GPC6: variants seen among roughly 807,000 people sequenced by gnomAD.
GPC6 encodes glypican-6.
Under a neutral mutation model 55.2 loss-of-function variants are expected in GPC6, and 14 were observed. The observed-to-expected ratio is 0.25, with a 90% CI of 0.17 to 0.40. The LOEUF (loss-of-function observed/expected upper bound fraction) is 0.40, where lower values mean the gene tolerates loss of function less well. Ranked by LOEUF, GPC6 falls within the 10% of genes least tolerant of loss-of-function variation. The pLI is 1.00. For missense variants in GPC6, 641 were observed against 708.5 expected (o/e 0.90, Z 1.08); for synonymous variants, 278 against 259.6 (o/e 1.07, Z -0.68).
chr13:93,771,147 C>G (rs1266803442), intron 2 of GPC6, among the ~76,000 whole-genome samples: 1 of 152,126 alleles, frequency 6.6e-6, no homozygotes. Context: ...GCAAACAAGT[C>G]ATCTTTAAAA....
chr13:94,166,894 C>G (rs1317402939), intron 4 of GPC6, among the ~76,000 whole-genome samples: 1 of 152,188 alleles, frequency 6.6e-6, no homozygotes, highest in East Asian at 1.9e-4. Flanking sequence ...TATGAATTAC[C>G]TACAATGATC....
At chr13:93,853,598 T>G (rs888859234) in intron 3 of GPC6, among the ~76,000 whole-genome samples, 1 of 151,680 alleles carries the variant, frequency 6.6e-6, no homozygotes, top group African/African-American at 2.4e-5. Flanking sequence ...AATTTTACTC[T>G]ATTTAACACC....
intron 2 of GPC6, among the ~76,000 whole-genome samples, chr13:93,575,187 G>A (rs1876598649): frequency 6.6e-6 from 1 of 152,086 alleles, no homozygotes; most frequent in African/African-American, 2.4e-5. Context: ...CCAGCTATTC[G>A]GGAGGCTGAG....
intron 3 of GPC6, among the ~76,000 whole-genome samples, chr13:94,016,037 C>A (rs1204433657): frequency 6.6e-6 from 1 of 152,142 alleles, no homozygotes; most frequent in Non-Finnish European, 1.5e-5. Context: ...ACAGCCACTC[C>A]CATTTTCTTC....
At chr13:93,746,263 T>A (rs1002854039) in intron 2 of GPC6, among the ~76,000 whole-genome samples, 21 of 152,210 alleles carry the variant, frequency 1.4e-4, no homozygotes, top group African/African-American at 5.1e-4. Flanking sequence ...GAAGTGCCAG[T>A]ACAGAAGGTG....
intron 1 of GPC6, among the ~76,000 whole-genome samples, chr13:93,405,457 T>C (rs1168518236): frequency 3.3e-5 from 5 of 152,168 alleles, no homozygotes; most frequent in Non-Finnish European, 5.9e-5. Context: ...AGTTCTCTCA[T>C]CTTTATAATG....
chr13:93,306,201 T>A (rs764593064), intron 1 of GPC6, among the ~76,000 whole-genome samples: 43 of 152,316 alleles, frequency 2.8e-4, no homozygotes, highest in Non-Finnish European at 5.4e-4. Context: ...AAAATAGTTA[T>A]TATTTTATGG....
chr13:93,929,459 T>TA (rs904357000), intron 3 of GPC6, among the ~76,000 whole-genome samples: 2 of 152,176 alleles, frequency 1.3e-5, no homozygotes, highest in African/African-American at 2.4e-5. Context: ...TGTGAATTTT[T>TA]AAAAAATCTC....
chr13:93,334,962 A>G (rs867217540), intron 1 of GPC6, among the ~76,000 whole-genome samples: 20 of 152,186 alleles, frequency 1.3e-4, no homozygotes, highest in Admixed American at 3.3e-4. Context: ...CTTTAATGTC[A>G]TTTGACACCT....
chr13:94,389,767 CT>C (rs1470390139), intron 7 of GPC6, among the ~76,000 whole-genome samples: 1 of 151,808 alleles, frequency 6.6e-6, no homozygotes, highest in Non-Finnish European at 1.5e-5. Context: ...CTTCAGAGGT[CT>C]TGAGTCAGTC....
intron 1 of GPC6, among the ~76,000 whole-genome samples, chr13:93,438,114 A>G (rs1476103672): frequency 6.6e-6 from 1 of 152,024 alleles, no homozygotes; most frequent in East Asian, 1.9e-4. Flanking sequence ...CCTGAGACCT[A>G]CTGCTCAGAA....
rs183022316 is a variant in GPC6, at chr13:93,779,267, A to C, written c.320-50887A>C. Among the ~76,000 whole-genome samples, 256 of 152,274 alleles carry C rather than the reference A, an allele frequency of 1.7e-3. 1 individual carries two copies. The highest frequency in any genetic ancestry group is 5.6e-3 in the African/African-American group (232 of 41,556). ...GAGCTGAATACACTGGACTGAATTC[A>C]CTGGGCTTTAATCAATGTTAATTAC... On this transcript the variant is annotated intron_variant, in intron 2 of 8. Coordinates refer to ENST00000377047, the MANE Select transcript of GPC6 (RefSeq NM_005708.5).
At chr13:94,287,295 A>G (rs2139085856) in intron 5 of GPC6, among the ~76,000 whole-genome samples, 1 of 152,312 alleles carries the variant, frequency 6.6e-6, no homozygotes, top group Middle Eastern at 3.4e-3. Context: ...CCAGTGACCG[A>G]GTGATTGCAT....
chr13:93,511,461 G>T (rs1013842912), intron 1 of GPC6, among the ~76,000 whole-genome samples: 29 of 151,408 alleles, frequency 1.9e-4, no homozygotes, highest in African/African-American at 7.0e-4. Flanking sequence ...AATTTTTTTG[G>T]CTTTGTCAAA....
At position 93,942,356 on chromosome 13, in the gene GPC6, G is replaced by A. The variant is rs144865677; in HGVS notation, c.712-85373G>A. ...CGTCATCTAGCCAAGGTGTCACTCTGTCACCCAGGCTGGAGTGTAGTGGTA... is the reference window on the plus strand; with the variant it reads ...CGTCATCTAGCCAAGGTGTCACTCTATCACCCAGGCTGGAGTGTAGTGGTA... On this transcript the variant is annotated intron_variant, in intron 3 of 8. Transcript: ENST00000377047. Among the ~76,000 whole-genome samples the A allele has an allele frequency of 9.4e-4, 143 of 152,234 alleles. 3 individuals are homozygous for A. In the East Asian group the frequency reaches 0.022, roughly 24 times the overall value.
intron 2 of GPC6, among the ~76,000 whole-genome samples, chr13:93,615,468 T>C (rs1878672947): frequency 6.6e-6 from 1 of 152,136 alleles, no homozygotes. Flanking sequence ...TGCCAGGCAG[T>C]TTATGTATCA....
At chr13:94,235,181 T>G (rs1447368269) in intron 4 of GPC6, among the ~76,000 whole-genome samples, 3 of 152,136 alleles carry the variant, frequency 2.0e-5, no homozygotes, top group African/African-American at 7.2e-5. Context: ...CTGAGAACAA[T>G]GTTGAACTGG....
chr13:94,202,789 G>A (rs1311504624), intron 4 of GPC6, among the ~76,000 whole-genome samples: 1 of 152,142 alleles, frequency 6.6e-6, no homozygotes, highest in Non-Finnish European at 1.5e-5. Flanking sequence ...GGATGGGATG[G>A]TATTTACGAA....
At chr13:93,507,835 G>A (rs1880795433) in intron 1 of GPC6, among the ~76,000 whole-genome samples, 1 of 151,636 alleles carries the variant, frequency 6.6e-6, no homozygotes, top group African/African-American at 2.4e-5. Context: ...TAAACACATT[G>A]ATTAGCTTGT....
Sources: gnomAD v4.1 joint callset for allele counts (sites outside exome capture counted in the v4.1 genomes callset) on GRCh38, gnomAD v4.1.1 for gene constraint, MANE v1.5 for transcripts, NCBI Gene and HGNC (gene_info 2026-07-23, HGNC 2026-07-21) for gene names.